SCD5: variants seen among roughly 807,000 people sequenced by gnomAD.
SCD5 encodes acyl-CoA-desaturase 4.
In SCD5, 20 loss-of-function variants were observed where a neutral mutation model predicts 30.4. The ratio of observed to expected loss-of-function variants is 0.66; its 90% CI spans 0.46 to 0.96. The LOEUF (loss-of-function observed/expected upper bound fraction) is 0.96. Ranked by LOEUF, SCD5 falls within the 40% of genes least tolerant of loss-of-function variation. The probability of loss-of-function intolerance (pLI) is 0.00; values close to 1 mark genes in which losing one functional copy is unlikely to be tolerated. For synonymous variants in SCD5, 173 were observed against 176.4 expected (o/e 0.98, Z 0.16); for missense variants, 381 against 443.3 (o/e 0.86, Z 1.26).
intron 1 of SCD5, among the ~76,000 whole-genome samples, chr4:82,756,309 G>A (rs1162841486): frequency 6.6e-6 from 1 of 152,240 alleles, no homozygotes; most frequent in Non-Finnish European, 1.5e-5. Context: ...GCATGGCACA[G>A]TGATGATGAG....
chr4:82,641,091 A>AGACAGAAGGT (rs1346972189), intron 3 of SCD5, among the ~76,000 whole-genome samples: 1 of 152,014 alleles, frequency 6.6e-6, no homozygotes, highest in African/African-American at 2.4e-5. Context: ...CCTAGAACTG[A>AGACAGAAGGT]GACAGAAGGT....
intron 1 of SCD5, among the ~76,000 whole-genome samples, chr4:82,758,805 A>G (rs1025592437): frequency 6.6e-6 from 1 of 152,202 alleles, no homozygotes; most frequent in Non-Finnish European, 1.5e-5. Flanking sequence ...TCAGGAAAGA[A>G]GGACTGACAG....
At chr4:82,738,622 C>G (rs1327459815) in intron 1 of SCD5, among the ~76,000 whole-genome samples, 1 of 152,208 alleles carries the variant, frequency 6.6e-6, no homozygotes, top group Non-Finnish European at 1.5e-5. Flanking sequence ...TCACCTTAGC[C>G]AACTCCTGGC....
chr4:82,773,269 T>C (rs909550438), intron 1 of SCD5, among the ~76,000 whole-genome samples: 1 of 152,204 alleles, frequency 6.6e-6, no homozygotes, highest in Non-Finnish European at 1.5e-5. Context: ...AGGATTTTAA[T>C]TGCAACAAGG....
chr4:82,686,092 A>G (rs965347059), intron 2 of SCD5, among the ~76,000 whole-genome samples: 5 of 151,994 alleles, frequency 3.3e-5, no homozygotes, highest in African/African-American at 9.7e-5. Context: ...TACAGCCTCA[A>G]CTACCTGGGC....
chr4:82,744,461 A>G (rs1318124433), intron 1 of SCD5, among the ~76,000 whole-genome samples: 1 of 152,198 alleles, frequency 6.6e-6, no homozygotes, highest in Non-Finnish European at 1.5e-5. Context: ...AGGCCTTGGC[A>G]AGCTGTATCC....
At chr4:82,709,389 A>T (rs1392206116) in intron 1 of SCD5, among the ~76,000 whole-genome samples, 2 of 152,242 alleles carry the variant, frequency 1.3e-5, no homozygotes, top group African/African-American at 4.8e-5. Context: ...CTGGGAGTTT[A>T]ACAGGAGTTT....
chr4:82,795,358 G>C (rs1320454123), intron 1 of SCD5, among the ~76,000 whole-genome samples: 1 of 152,184 alleles, frequency 6.6e-6, no homozygotes, highest in Non-Finnish European at 1.5e-5. Context: ...TAACCAGTAG[G>C]GAGGTGGTGA....
rs750385737 is a variant in SCD5 at position 82,798,439 on chromosome 4, C to T, written c.99G>A (p.Pro33=). The change falls in exon 1 of 5, where the codon CCG becomes CCA. Residue 33 remains proline (P), a synonymous_variant. Coordinates refer to ENST00000319540, the MANE Select transcript of SCD5 (RefSeq NM_001037582.3). Reference sequence around the variant, plus strand: ...GCTGCCCGCGCGCGCCTGGCCTCTCCGGGCCGCCGCCGCCCTCAGAGCTTT... The same window carrying T: ...GCTGCCCGCGCGCGCCTGGCCTCTCTGGGCCGCCGCCGCCCTCAGAGCTTT... The part of the protein sequence containing the change: ...GLESSEGGGG[P]ERPGARGQRQ... 2 of 1,613,006 alleles carry T rather than the reference C, an allele frequency of 1.2e-6. No homozygotes were observed. Among genetic ancestry groups the T allele is most frequent in the Non-Finnish European group, 1.7e-6 (2 of 1,179,614 alleles).
At chr4:82,686,137 C>A (rs1728698970) in intron 2 of SCD5, among the ~76,000 whole-genome samples, 1 of 152,132 alleles carries the variant, frequency 6.6e-6, no homozygotes. Context: ...TCCCCAGTAG[C>A]TGGGACCACA....
chr4:82,638,694 C>A (rs988966582), intron 3 of SCD5, among the ~76,000 whole-genome samples: 1 of 152,168 alleles, frequency 6.6e-6, no homozygotes, highest in Admixed American at 6.5e-5. Flanking sequence ...TCCGTGCCAG[C>A]AGGTGGCTGA....
At chr4:82,678,693 A>C (rs182423227) in intron 3 of SCD5, among the ~76,000 whole-genome samples, 1 of 152,228 alleles carries the variant, frequency 6.6e-6, no homozygotes, top group Non-Finnish European at 1.5e-5. Context: ...AAAGGGTGAG[A>C]CATAAAATTA....
rs1727277872 is a variant in SCD5, at chr4:82,630,983, C to T, written c.*344G>A. 1 of 162,354 alleles carries T rather than the reference C, an allele frequency of 6.2e-6. No individual in the cohort carries two copies. The highest frequency in any genetic ancestry group is 2.4e-5 in the African/African-American group (1 of 41,546). The allele number at this position is 162,354 out of a possible 1,614,324, so 10.1% of individuals were successfully genotyped here. A position where few individuals can be genotyped will look rare whatever the true frequency, so the allele number is the denominator to read the frequency against. ...AAAATTAGCTGGGTGTGGTGGCAGG[C>T]TCCTGTAATCTCAGCTACTCAGGAG... On this transcript the variant is annotated 3_prime_UTR_variant, in exon 5 of 5. Coordinates refer to ENST00000319540, the MANE Select transcript of SCD5 (RefSeq NM_001037582.3).
At chr4:82,768,848 A>G (rs1721550973) in intron 1 of SCD5, among the ~76,000 whole-genome samples, 1 of 152,030 alleles carries the variant, frequency 6.6e-6, no homozygotes, top group Admixed American at 6.5e-5. Flanking sequence ...CAGGCAGATT[A>G]TGAGAGGTGT....
At chr4:82,720,441 TAA>T (rs1553917690) in intron 1 of SCD5, among the ~76,000 whole-genome samples, 3,399 of 77,884 alleles carry the variant, frequency 0.044, 270 homozygotes, top group African/African-American at 0.17. Flanking sequence ...AAGGCAAAAA[TAA>T]AAAAAAAAAA....
At chr4:82,798,080 TGGGGGCGGGGG>T (rs1467815655) in intron 1 of SCD5, among the ~76,000 whole-genome samples, 2 of 25,812 alleles carry the variant, frequency 7.7e-5, no homozygotes, top group Non-Finnish European at 1.1e-4. Flanking sequence ...CGCGGCGGGG[TGGGGGCGGGGG>T]GGGGGCGGAA....
chr4:82,761,646 T>C (rs994164336), intron 1 of SCD5, among the ~76,000 whole-genome samples: 1 of 151,974 alleles, frequency 6.6e-6, no homozygotes, highest in African/African-American at 2.4e-5. Flanking sequence ...TAGTTACATA[T>C]GTATACATGT....
intron 1 of SCD5, among the ~76,000 whole-genome samples, chr4:82,708,044 A>G (rs1720004994): frequency 6.6e-6 from 1 of 152,244 alleles, no homozygotes; most frequent in Admixed American, 6.5e-5. Context: ...ATAGTTTATC[A>G]TCTATAGGGA....
intron 4 of SCD5, among the ~76,000 whole-genome samples, chr4:82,634,758 G>A (rs867150714): frequency 1.8e-4 from 27 of 152,136 alleles, no homozygotes; most frequent in African/African-American, 5.6e-4. Context: ...ACATGGTGAC[G>A]GACCATCTTG....
Sources: allele counts gnomAD v4.1 joint callset (sites outside exome capture counted in the v4.1 genomes callset), GRCh38; gene constraint gnomAD v4.1.1; transcripts MANE v1.5; gene names NCBI Gene and HGNC (gene_info 2026-07-23, HGNC 2026-07-21).